Variants in SGCD observed in about 807,000 individuals in gnomAD.
SGCD encodes delta-sarcoglycan.
SGCD carries 18 observed loss-of-function variants against 36.6 expected under a neutral mutation model. The ratio of observed to expected loss-of-function variants is 0.49; its 90% CI spans 0.34 to 0.73. SGCD has a LOEUF of 0.73. Among genes scored for constraint, SGCD ranks in the 30% least tolerant of loss-of-function variants. The probability of loss-of-function intolerance (pLI) is 0.01; values close to 1 mark genes in which losing one functional copy is unlikely to be tolerated. For synonymous variants in SGCD, 133 were observed against 130.6 expected, an observed-to-expected ratio of 1.02 and a Z score of -0.12; for missense variants, 387 against 346.7, an observed-to-expected ratio of 1.12 and a Z score of -0.92.
At chr5:156,045,402 C>T (rs1251427401) in intron 1 of SGCD, among the ~76,000 whole-genome samples, 1 of 152,062 alleles carries the variant, frequency 6.6e-6, no homozygotes, top group Non-Finnish European at 1.5e-5. Context: ...ATATTTTTAT[C>T]TCATTTAATA....
At chr5:155,733,112 C>CT in the SGCD span, among the ~76,000 whole-genome samples, 3 of 148,646 alleles carry the variant, frequency 2.0e-5, no homozygotes, top group Non-Finnish European at 4.4e-5. Context: ...TGTACTAATA[C>CT]TTGACACAAA....
chr5:156,021,389 G>T (rs1759093942), intron 1 of SGCD, among the ~76,000 whole-genome samples: 1 of 152,292 alleles, frequency 6.6e-6, no homozygotes, highest in East Asian at 1.9e-4. Flanking sequence ...GCATGGTGGT[G>T]TGAACCTGTA....
At chr5:155,937,563 G>A (rs756086629) in intron 1 of SGCD, among the ~76,000 whole-genome samples, 4 of 152,172 alleles carry the variant, frequency 2.6e-5, no homozygotes, top group Non-Finnish European at 5.9e-5. Flanking sequence ...AAAGATCTTC[G>A]GGGAGTCCAG....
At chr5:156,399,945 A>G (rs1402584822) in intron 3 of SGCD, among the ~76,000 whole-genome samples, 1 of 152,206 alleles carries the variant, frequency 6.6e-6, no homozygotes, top group East Asian at 1.9e-4. Context: ...ATAATCTGGT[A>G]CAGCAATTTC....
At chr5:155,738,641 AGTGTGT>A in the SGCD span, among the ~76,000 whole-genome samples, 12 of 151,184 alleles carry the variant, frequency 7.9e-5, no homozygotes, top group African/African-American at 2.9e-4. Flanking sequence ...AGTCTGTGAG[AGTGTGT>A]GTGTGTGAGA....
chr5:156,455,225 G>A (rs1026060498), intron 3 of SGCD, among the ~76,000 whole-genome samples: 1 of 152,130 alleles, frequency 6.6e-6, no homozygotes, highest in African/African-American at 2.4e-5. Context: ...AAGCTGCCCT[G>A]CCCACACCAT....
At chr5:156,707,152 C>A (rs538911768) in intron 7 of SGCD, among the ~76,000 whole-genome samples, 1 of 152,234 alleles carries the variant, frequency 6.6e-6, no homozygotes, top group South Asian at 2.1e-4. Context: ...CTTGGCATAG[C>A]ATGTTTTCAT....
intron 3 of SGCD, among the ~76,000 whole-genome samples, chr5:156,271,073 T>G (rs1766164173): frequency 6.6e-6 from 1 of 152,202 alleles, no homozygotes; most frequent in African/African-American, 2.4e-5. Flanking sequence ...AATAGAGGCG[T>G]TTTGGAAAGA....
At chr5:156,002,355 G>C (rs2127568324) in intron 1 of SGCD, among the ~76,000 whole-genome samples, 1 of 152,294 alleles carries the variant, frequency 6.6e-6, no homozygotes, top group African/African-American at 2.4e-5. Context: ...TGGATTTCTA[G>C]CTTCCAGAAT....
At chr5:156,682,405 G>A (rs1190295258) in intron 7 of SGCD, among the ~76,000 whole-genome samples, 1 of 152,204 alleles carries the variant, frequency 6.6e-6, no homozygotes, top group African/African-American at 2.4e-5. Flanking sequence ...AGGTTCTAAT[G>A]TGGACAAGTA....
chr5:156,575,446 G>T (rs1333679408), intron 4 of SGCD, among the ~76,000 whole-genome samples: 1 of 152,188 alleles, frequency 6.6e-6, no homozygotes, highest in Non-Finnish European at 1.5e-5. Flanking sequence ...AGCGGAAAGT[G>T]CTCAACTCTA....
chr5:156,631,292 A>G (rs1260447016), intron 6 of SGCD, among the ~76,000 whole-genome samples: 1 of 152,168 alleles, frequency 6.6e-6, no homozygotes, highest in African/African-American at 2.4e-5. Context: ...GGGATGAAAT[A>G]TATTCATAGA....
chr5:155,952,387 G>C (rs969088903), intron 1 of SGCD, among the ~76,000 whole-genome samples: 2 of 151,910 alleles, frequency 1.3e-5, no homozygotes, highest in African/African-American at 2.4e-5. Flanking sequence ...GCCTATTAAT[G>C]CTTTATGTTA....
At chr5:156,610,061 C>T (rs148751936) in intron 6 of SGCD, among the ~76,000 whole-genome samples, 2,500 of 152,288 alleles carry the variant, frequency 0.016, 68 homozygotes, top group African/African-American at 0.056. Context: ...AGTCATTCTC[C>T]GTCTAGCTTT....
the SGCD span, among the ~76,000 whole-genome samples, chr5:155,831,424 T>C: frequency 6.6e-6 from 1 of 152,234 alleles, no homozygotes; most frequent in African/African-American, 2.4e-5. Context: ...CTCTTGCTGA[T>C]TAAATAGTGG....
intron 1 of SGCD, among the ~76,000 whole-genome samples, chr5:156,090,575 C>A (rs187613063): frequency 6.6e-6 from 1 of 152,172 alleles, no homozygotes; most frequent in Admixed American, 6.5e-5. Flanking sequence ...AGGTCCATGT[C>A]CCACTGGGCA....
At chr5:156,580,650 A>G (rs1199261848) in intron 4 of SGCD, among the ~76,000 whole-genome samples, 1 of 151,980 alleles carries the variant, frequency 6.6e-6, no homozygotes, top group Non-Finnish European at 1.5e-5. Flanking sequence ...CATTAATTTG[A>G]TCTTCAATCA....
the SGCD span, among the ~76,000 whole-genome samples, chr5:155,846,409 C>A: frequency 1.3e-5 from 2 of 152,078 alleles, no homozygotes; most frequent in Admixed American, 6.5e-5. Context: ...ATGACAGACA[C>A]TTTTTTTCCT....
intron 3 of SGCD, among the ~76,000 whole-genome samples, chr5:156,297,657 C>A (rs182712075): frequency 8.8e-5 from 5 of 57,052 alleles, no homozygotes; most frequent in Non-Finnish European, 1.4e-4. Flanking sequence ...GGGAGGGGGG[C>A]GGGATAGCAT....
Sources: gnomAD v4.1 joint callset for allele counts (sites outside exome capture counted in the v4.1 genomes callset) on GRCh38, gnomAD v4.1.1 for gene constraint, MANE v1.5 for transcripts, NCBI Gene and HGNC (gene_info 2026-07-23, HGNC 2026-07-21) for gene names.